The following CRISP1 variants were observed in gnomAD, a reference collection of about 807,000 sequenced individuals.
CRISP1 encodes the protein cysteine-rich secretory protein 1.
CRISP1 carries 44 observed loss-of-function variants against 33.1 expected under a neutral mutation model. The observed-to-expected ratio is 1.33, with a 90% CI of 1.05 to 1.71. The LOEUF is 1.71. CRISP1 is among the 40% of genes most tolerant of loss of function. The pLI, the probability that CRISP1 is intolerant of heterozygous loss-of-function variation, is 0.00. For synonymous variants in CRISP1, 103 were observed against 98.7 expected, an observed-to-expected ratio of 1.04 and a Z score of -0.26; for missense variants, 390 against 301.2, an observed-to-expected ratio of 1.29 and a Z score of -2.18.
In CRISP1 at chr6:49,847,596, C is replaced by A. The variant is rs1264396562; in HGVS notation, c.286+613G>T. Reference sequence around the variant, plus strand: ...GGTGCCATGCTTCCTGTACAGCCCGCAGAGTCATAAGCTAATGAAATCTCT... The same window carrying A: ...GGTGCCATGCTTCCTGTACAGCCCGAAGAGTCATAAGCTAATGAAATCTCT... On this transcript the variant is annotated intron_variant, in intron 4 of 7. Transcript: ENST00000335847. 3.3e-5 allele frequency among the ~76,000 whole-genome samples: 5 copies of A among 152,112 alleles called. No individual in the cohort carries two copies. In the South Asian group the frequency reaches 8.3e-4, roughly 25 times the overall value.
intron 6 of CRISP1, among the ~76,000 whole-genome samples, chr6:49,840,531 T>C (rs1330712883): frequency 4.6e-5 from 7 of 152,218 alleles, no homozygotes; most frequent in Admixed American, 4.6e-4. Context: ...ATGTCCTTGT[T>C]TCTTTGCTTA....
rs778569665 is a variant in CRISP1, at chr6:49,838,417, C to A, written c.622+20G>T. ...GATCAATGGGTTAACTGTAAACAAACAGAATGCAAACAAACTTACTGCAAA... is the reference window on the plus strand; with the variant it reads ...GATCAATGGGTTAACTGTAAACAAAAAGAATGCAAACAAACTTACTGCAAA... On this transcript the variant is annotated intron_variant, in intron 7 of 7. Coordinates refer to ENST00000335847, the MANE Select transcript of CRISP1 (RefSeq NM_001131.3). 3 of 1,583,342 alleles carry A rather than the reference C, an allele frequency of 1.9e-6. No individual in the cohort carries two copies. Among genetic ancestry groups the A allele is most frequent in the Non-Finnish European group, 2.6e-6 (3 of 1,156,772 alleles).
chr6:49,853,903 A>C (rs1458988723), intron 2 of CRISP1, among the ~76,000 whole-genome samples: 2 of 152,144 alleles, frequency 1.3e-5, no homozygotes, highest in Non-Finnish European at 2.9e-5. Flanking sequence ...CACAAAACAA[A>C]ACAACACATA....
chr6:49,851,679 G>A (rs1472212576), intron 3 of CRISP1, among the ~76,000 whole-genome samples: 1 of 152,166 alleles, frequency 6.6e-6, no homozygotes, highest in Non-Finnish European at 1.5e-5. Flanking sequence ...CAGACCTCAT[G>A]AATCAGGATA....
chr6:49,853,084 A>G (rs1771399402), intron 2 of CRISP1, among the ~76,000 whole-genome samples: 1 of 152,072 alleles, frequency 6.6e-6, no homozygotes, highest in African/African-American at 2.4e-5. Flanking sequence ...GTAAGGGGAG[A>G]AAACTTAAAT....
At chr6:49,871,488 A>G (rs551380273), upstream of CRISP1, among the ~76,000 whole-genome samples, 1 of 152,152 alleles carries the variant, frequency 6.6e-6, no homozygotes, top group African/African-American at 2.4e-5. Flanking sequence ...GTAGAAATAC[A>G]TTAGAAATCT....
rs1400844144 is a variant in CRISP1 at position 49,857,363 on chromosome 6, G to A, written c.38C>T (p.Ala13Val). ...CATGGACAACATAGGCAGTAAGCAA[G>A]CAGCAGCAACCAAAAACAAGAGGTG... ...IKHLLFLVAA[A>V]CLLPMLSMKK... The change falls in exon 2 of 8, where the codon GCT becomes GTT. Residue 13 changes from alanine to valine, a missense_variant. Ala to Val is a moderately conservative substitution (Grantham distance 64). Coordinates refer to ENST00000335847, the MANE Select transcript of CRISP1 (RefSeq NM_001131.3). The A allele has an allele frequency of 1.9e-6, 3 of 1,613,006 alleles. No individual in the cohort carries two copies. Among genetic ancestry groups the A allele is most frequent in the Non-Finnish European group, 2.5e-6 (3 of 1,179,264 alleles).
chr6:49,836,617 G>A (rs1017365841), intron 7 of CRISP1, among the ~76,000 whole-genome samples: 3 of 152,062 alleles, frequency 2.0e-5, no homozygotes, highest in African/African-American at 7.2e-5. Context: ...GGGATTACAA[G>A]CGTGAGCCAC....
At chr6:49,852,328 C>A (rs1771374102) in intron 2 of CRISP1, among the ~76,000 whole-genome samples, 199 bp from the exon 3 acceptor site, 1 of 152,118 alleles carries the variant, frequency 6.6e-6, no homozygotes, top group East Asian at 1.9e-4. Flanking sequence ...GTCAGGCTGA[C>A]ATCACATTAG....
chr6:49,835,352 A>G lies in CRISP1; in HGVS notation c.714T>C (p.Cys238=). Residue 238 remains cysteine, a synonymous_variant, in exon 8 of 8, where the codon TGT becomes TGC. Transcript: ENST00000335847. ...CAGTGTCACACAGACAAGTGGCTTT[A>G]CAGAATAGGATAGTTGTTGAGTGGT... ...GCNHSTTILF[C]KATCLCDTEI... 1 of 1,613,846 alleles carries G rather than the reference A, an allele frequency of 6.2e-7. No homozygotes were observed. The highest frequency in any genetic ancestry group is 8.5e-7 in the Non-Finnish European group (1 of 1,179,814).
intron 5 of CRISP1, among the ~76,000 whole-genome samples, chr6:49,843,738 T>C (rs1263645624): frequency 6.6e-6 from 1 of 152,218 alleles, no homozygotes; most frequent in Non-Finnish European, 1.5e-5. Flanking sequence ...GGGTAGAGAC[T>C]GGAAGTTCTT....
At chr6:49,865,071 G>T (rs1270074039) in intron 1 of CRISP1, among the ~76,000 whole-genome samples, 1 of 152,058 alleles carries the variant, frequency 6.6e-6, no homozygotes, top group East Asian at 1.9e-4. Context: ...AAAGCTGTAG[G>T]ATTTACAATA....
At chr6:49,836,404 C>A (rs1218003146) in intron 7 of CRISP1, among the ~76,000 whole-genome samples, 1 of 150,414 alleles carries the variant, frequency 6.6e-6, no homozygotes, top group Non-Finnish European at 1.5e-5. Context: ...GGTGCAATCT[C>A]GGCTCACTGC....
intron 1 of CRISP1, among the ~76,000 whole-genome samples, chr6:49,861,825 C>T (rs1470821736): frequency 6.6e-6 from 1 of 151,860 alleles, no homozygotes; most frequent in Non-Finnish European, 1.5e-5. Context: ...GCAGAGGTCA[C>T]AGTTAGCCAA....
At chr6:49,865,941 T>C (rs1300434458) in intron 1 of CRISP1, among the ~76,000 whole-genome samples, 1 of 152,136 alleles carries the variant, frequency 6.6e-6, no homozygotes, top group Non-Finnish European at 1.5e-5. Flanking sequence ...TGCCTTACAG[T>C]CTGTAAAATA....
At chr6:49,859,415 GA>G (rs950738429) in intron 1 of CRISP1, among the ~76,000 whole-genome samples, 19 of 143,798 alleles carry the variant, frequency 1.3e-4, no homozygotes, top group African/African-American at 4.4e-4. Flanking sequence ...AAAAAAAAAA[GA>G]AACATCCACC....
At chr6:49,841,463 C>T (rs1382168612) in intron 5 of CRISP1, among the ~76,000 whole-genome samples, 1 of 152,080 alleles carries the variant, frequency 6.6e-6, no homozygotes, top group Non-Finnish European at 1.5e-5. Context: ...TGTACATGGG[C>T]CGTACATGAC....
At chr6:49,843,659 G>A (rs1771065345) in intron 5 of CRISP1, among the ~76,000 whole-genome samples, 1 of 152,154 alleles carries the variant, frequency 6.6e-6, no homozygotes, top group Non-Finnish European at 1.5e-5. Flanking sequence ...ACAGATTTTG[G>A]TATCAAGAAC....
chr6:49,864,100 G>C (rs566001997), intron 1 of CRISP1, among the ~76,000 whole-genome samples: 1 of 151,996 alleles, frequency 6.6e-6, no homozygotes, highest in East Asian at 1.9e-4. Flanking sequence ...ATATAACTAG[G>C]ATTAGTTTTA....
Sources: allele counts gnomAD v4.1 joint callset (sites outside exome capture counted in the v4.1 genomes callset), GRCh38; gene constraint gnomAD v4.1.1; transcripts MANE v1.5; gene names NCBI Gene and HGNC (gene_info 2026-07-23, HGNC 2026-07-21).